ZNF343: variants seen among roughly 807,000 people sequenced by gnomAD.
ZNF343 encodes the protein zinc finger protein 343.
A neutral mutation model predicts 13.8 loss-of-function variants in ZNF343; 11 were observed. The ratio of observed to expected loss-of-function variants is 0.80; its 90% CI spans 0.50 to 1.32. The LOEUF is 1.32. ZNF343 is among the 40% of genes most tolerant of loss of function. The pLI is 0.00. For synonymous variants in ZNF343, 248 were observed against 260.0 expected, an observed-to-expected ratio of 0.95 and a Z score of 0.44; for missense variants, 658 against 714.2, an observed-to-expected ratio of 0.92 and a Z score of 0.90.
chr20:2,506,806 G>A (rs2085665996), intron 1 of ZNF343, among the ~76,000 whole-genome samples: 1 of 152,126 alleles, frequency 6.6e-6, no homozygotes, highest in African/African-American at 2.4e-5. Flanking sequence ...GGGGTGAGGG[G>A]AGCGGGGAGG....
chr20:2,491,165 C>T (rs137956568), intron 5 of ZNF343, among the ~76,000 whole-genome samples: 14 of 152,284 alleles, frequency 9.2e-5, no homozygotes, highest in African/African-American at 3.4e-4. Flanking sequence ...ACAGTACTAT[C>T]CAGTATAGCA....
chr20:2,499,204 G>A lies in ZNF343; in HGVS notation c.-150+1452C>T, dbSNP rs562069558. Among the ~76,000 whole-genome samples, 16 of 143,324 alleles carry A rather than the reference G, an allele frequency of 1.1e-4. No homozygotes were observed. The South Asian group carries it at 1.6e-3, about 15-fold the overall frequency. 94.0% of individuals were successfully genotyped at this position (143,324 alleles called of 152,430 possible). On this transcript the variant is annotated intron_variant, in intron 2 of 5. Transcript: ENST00000278772. Reference sequence around the variant, plus strand: ...CCCTCTTCCGGGCGCGGTGGCTCACGCCTGTAATCCCAGCACTTTGGGAGG... The same window carrying A: ...CCCTCTTCCGGGCGCGGTGGCTCACACCTGTAATCCCAGCACTTTGGGAGG...
chr20:2,512,545 C>T (rs184642622), upstream of ZNF343, among the ~76,000 whole-genome samples: 4 of 152,086 alleles, frequency 2.6e-5, no homozygotes, highest in East Asian at 1.9e-4. Flanking sequence ...ACAAGGATGC[C>T]GAGACCATTT....
intron 1 of ZNF343, among the ~76,000 whole-genome samples, chr20:2,514,500 A>G (rs2085750834): frequency 6.6e-6 from 1 of 152,248 alleles, no homozygotes; most frequent in South Asian, 2.1e-4. Context: ...TAGTGAATCA[A>G]AGCAGTATTT....
At chr20:2,511,544 C>T (rs886892804), upstream of ZNF343, among the ~76,000 whole-genome samples, 1 of 152,154 alleles carries the variant, frequency 6.6e-6, no homozygotes, top group African/African-American at 2.4e-5. Flanking sequence ...GACTGTTATT[C>T]ATCACGTGAA....
intron 5 of ZNF343, among the ~76,000 whole-genome samples, chr20:2,486,302 AG>A (rs1274725642): frequency 1.3e-5 from 2 of 152,202 alleles, no homozygotes; most frequent in African/African-American, 4.8e-5. Flanking sequence ...ACGCCTTACT[AG>A]GAAAGTATCA....
intron 1 of ZNF343, among the ~76,000 whole-genome samples, chr20:2,506,113 C>T (rs1271153963): frequency 1.3e-5 from 2 of 152,160 alleles, no homozygotes; most frequent in Non-Finnish European, 2.9e-5. Context: ...AAACAAACAA[C>T]CCCATCAGCA....
At position 2,518,951 on chromosome 20, in the gene ZNF343, C is replaced by T. The variant is rs1372306192; in HGVS notation, c.-347+5504G>A. ...GATGGTTTAAAAGTGTTTGGCAGTTCCCTGCCCCCCTCTCTCTTTCCTGCC... is the reference window on the plus strand; with the variant it reads ...GATGGTTTAAAAGTGTTTGGCAGTTTCCTGCCCCCCTCTCTCTTTCCTGCC... On this transcript the variant is annotated intron_variant, in intron 1 of 6. Transcript: ENST00000358413. The surrounding 1 kb of genome is among the most constrained non-coding windows in gnomAD (Gnocchi z 4.6). 1.3e-5 allele frequency among the ~76,000 whole-genome samples: 2 copies of T among 152,144 alleles called. No homozygotes were observed. The highest frequency in any genetic ancestry group is 2.9e-5 in the Non-Finnish European group (2 of 68,012).
At chr20:2,493,262 G>A (rs1425946138) in intron 4 of ZNF343, among the ~76,000 whole-genome samples, 2 of 151,802 alleles carry the variant, frequency 1.3e-5, no homozygotes, top group Non-Finnish European at 2.9e-5. Context: ...AAGAAAACTT[G>A]GATTACAGAG....
chr20:2,489,095 C>T (rs934932652), intron 5 of ZNF343, among the ~76,000 whole-genome samples: 4 of 151,982 alleles, frequency 2.6e-5, no homozygotes, highest in Non-Finnish European at 4.4e-5. Flanking sequence ...ACACAGATTT[C>T]GTATTAGATA....
At position 2,483,074 on chromosome 20, in the gene ZNF343, C is replaced by A; in HGVS notation, c.*87G>T. The A allele has an allele frequency of 7.0e-7, 1 of 1,432,132 alleles. No homozygotes were observed. Among genetic ancestry groups the A allele is most frequent in the Non-Finnish European group, 9.5e-7 (1 of 1,055,960 alleles). 88.7% of individuals were successfully genotyped at this position (1,432,132 alleles called of 1,614,324 possible). A position where few individuals can be genotyped will look rare whatever the true frequency, so the allele number is the denominator to read the frequency against. On this transcript the variant is annotated 3_prime_UTR_variant, in exon 6 of 6. Coordinates refer to ENST00000278772, the MANE Select transcript of ZNF343 (RefSeq NM_024325.6). Reference sequence around the variant, plus strand: ...TCACAATCTGTGTACACAGGGTCTACTCCCCATGTGTCTCTCTGGGGTAAC... The same window carrying A: ...TCACAATCTGTGTACACAGGGTCTAATCCCCATGTGTCTCTCTGGGGTAAC...
intron 5 of ZNF343, among the ~76,000 whole-genome samples, chr20:2,487,987 A>G (rs2085307774): frequency 6.6e-6 from 1 of 152,064 alleles, no homozygotes; most frequent in African/African-American, 2.4e-5. Flanking sequence ...TATTTTGCCT[A>G]TTTTCTTCCT....
At chr20:2,491,381 A>C (rs1415181905) in intron 5 of ZNF343, among the ~76,000 whole-genome samples, 1 of 152,148 alleles carries the variant, frequency 6.6e-6, no homozygotes, top group Non-Finnish European at 1.5e-5. Flanking sequence ...AGTTGATTTC[A>C]CCTGTAGTTA....
In ZNF343 at chr20:2,484,118, T is replaced by C; in HGVS notation, c.843A>G (p.Arg281=). Residue 281 remains arginine (R), a synonymous_variant, in exon 6 of 6, where the codon AGA becomes AGG. Transcript: ENST00000278772. ...CSDCGRSFKD[R]STLIRHHRIH... ...TACGATGGTGTCTGATGAGGGTTGATCTATCTTTAAAGCTTCGCCCACAAT... is the reference window on the plus strand; with the variant it reads ...TACGATGGTGTCTGATGAGGGTTGACCTATCTTTAAAGCTTCGCCCACAAT... 1 of 1,614,172 alleles carries C rather than the reference T, an allele frequency of 6.2e-7. No individual in the cohort carries two copies. The highest frequency in any genetic ancestry group is 8.5e-7 in the Non-Finnish European group (1 of 1,180,022).
chr20:2,484,040 G>C lies in ZNF343; in HGVS notation c.921C>G (p.Ser307Arg). The change falls in exon 6 of 6, where the codon AGC (serine) becomes AGG (arginine). Residue 307 changes from serine to arginine, a missense_variant. By Grantham distance (110) the Ser-to-Arg change is moderately radical. Coordinates refer to ENST00000278772, the MANE Select transcript of ZNF343 (RefSeq NM_024325.6). ...GGTGTCTGCTGAGGTTGGACTTCTG[G>C]CTAAAACCTCGCCCGCACTCACTGC... is the stretch of plus-strand genomic sequence containing the variant. ...YVCSECGRGF[S>R]QKSNLSRHQR... The C allele has an allele frequency of 6.2e-7, 1 of 1,614,004 alleles. No individual in the cohort carries two copies. The highest frequency in any genetic ancestry group is 1.1e-5 in the South Asian group (1 of 91,080).
chr20:2,504,260 G>A (rs2085618114), intron 1 of ZNF343, among the ~76,000 whole-genome samples: 1 of 152,118 alleles, frequency 6.6e-6, no homozygotes, highest in African/African-American at 2.4e-5. Context: ...GACTAAACCA[G>A]GAAGAAGTTG....
chr20:2,499,438 C>A (rs2085520807), intron 2 of ZNF343, among the ~76,000 whole-genome samples: 1 of 92,870 alleles, frequency 1.1e-5, no homozygotes. Context: ...GCACTCCAGC[C>A]TGGGCGACAG....
intron 3 of ZNF343, 24 bp downstream of exon 3, chr20:2,493,754 T>G: frequency 6.3e-7 from 1 of 1,586,178 alleles, no homozygotes; most frequent in Non-Finnish European, 8.7e-7. Context: ...TCTTCATCCC[T>G]CCGGCTCCCT....
intron 5 of ZNF343, among the ~76,000 whole-genome samples, chr20:2,488,385 C>T (rs1233383289): frequency 6.6e-6 from 1 of 151,780 alleles, no homozygotes; most frequent in Non-Finnish European, 1.5e-5. Context: ...TCCATCTTTA[C>T]TCCAGGAATT....
Sources: gnomAD v4.1 joint callset for allele counts (sites outside exome capture counted in the v4.1 genomes callset) on GRCh38, gnomAD v4.1.1 for gene constraint, Gnocchi (gnomAD v3.1) non-coding constraint, MANE v1.5 for transcripts, NCBI Gene and HGNC (gene_info 2026-07-23, HGNC 2026-07-21) for gene names.